KDM4B: variants seen among roughly 807,000 people sequenced by gnomAD.
KDM4B encodes lysine demethylase 4B.
KDM4B carries 32 observed loss-of-function variants against 125.2 expected under a neutral mutation model. That is an observed-to-expected ratio of 0.26 (90% CI 0.19 to 0.34). The LOEUF is 0.34. Among genes scored for constraint, KDM4B ranks in the 10% least tolerant of loss-of-function variants. The pLI, the probability that KDM4B is intolerant of heterozygous loss-of-function variation, is 1.00. For missense variants in KDM4B, 1,190 were observed against 1,577.7 expected, an observed-to-expected ratio of 0.75 and a Z score of 4.16; for synonymous variants, 721 against 677.9, an observed-to-expected ratio of 1.06 and a Z score of -0.99.
chr19:5,000,385 C>T (rs2035347241), intron 1 of KDM4B, among the ~76,000 whole-genome samples: 1 of 148,638 alleles, frequency 6.7e-6, no homozygotes. Context: ...ATTCACCTAT[C>T]CATCCATCTG....
At chr19:4,995,668 C>T (rs1459431742) in intron 1 of KDM4B, among the ~76,000 whole-genome samples, 1 of 152,218 alleles carries the variant, frequency 6.6e-6, no homozygotes. Context: ...GCATCCCTTT[C>T]CTGAGAGGCA....
intron 1 of KDM4B, among the ~76,000 whole-genome samples, chr19:5,010,454 G>T (rs1388966430): frequency 6.6e-6 from 1 of 152,172 alleles, no homozygotes; most frequent in Non-Finnish European, 1.5e-5. Flanking sequence ...GGGACTTTGA[G>T]CCTGTGAACA....
chr19:5,004,681 C>T lies in KDM4B; in HGVS notation c.-108-11576C>T, dbSNP rs191216828. ...CGGCTCTGTGCTCCCTGGGAGTCCC[C>T]GTACCCCCGTGCGGTGAGCGTGAGA... On this transcript the variant is annotated intron_variant, in intron 1 of 22. Coordinates refer to ENST00000159111, the MANE Select transcript of KDM4B (RefSeq NM_015015.3). Among the ~76,000 whole-genome samples, 9 of 152,248 alleles carry T rather than the reference C, an allele frequency of 5.9e-5. No homozygotes were observed. In the South Asian group the frequency reaches 1.2e-3, roughly 21 times the overall value.
chr19:5,079,564 G>T (rs1360295470), intron 8 of KDM4B, among the ~76,000 whole-genome samples: 1 of 152,132 alleles, frequency 6.6e-6, no homozygotes, highest in Admixed American at 6.5e-5. Context: ...CTGGATCCCT[G>T]AAGGCTCTGA....
At chr19:5,064,548 G>A (rs2037708945) in intron 6 of KDM4B, among the ~76,000 whole-genome samples, 1 of 152,172 alleles carries the variant, frequency 6.6e-6, no homozygotes, top group South Asian at 2.1e-4. Flanking sequence ...GTCAGGCTGG[G>A]CCGTGGGTTG....
At chr19:5,077,239 C>T in intron 7 of KDM4B, 128 bp from the exon 8 acceptor site, 5 of 761,330 alleles carry the variant, frequency 6.6e-6, no homozygotes, top group Non-Finnish European at 1.1e-5. Context: ...CAGATCTGGG[C>T]CGTGCTCTGT....
At chr19:5,065,825 G>T (rs140793958) in intron 6 of KDM4B, among the ~76,000 whole-genome samples, 73 of 152,348 alleles carry the variant, frequency 4.8e-4, no homozygotes, top group African/African-American at 1.4e-3. Flanking sequence ...TCGCCCACCC[G>T]TCGCCAGGAG....
At position 5,097,859 on chromosome 19, in the gene KDM4B, C is replaced by T. The variant is rs143246425; in HGVS notation, c.919-12763C>T. Among the ~76,000 whole-genome samples the T allele has an allele frequency of 6.0e-3, 912 of 152,340 alleles. 10 individuals carry two copies. The highest frequency in any genetic ancestry group is 0.021 in the African/African-American group (877 of 41,564). ...GAGGTGCCCAGCAAGGATGATTCCC[C>T]TCGGCCACCAGTGAGATGGGAACCC... On this transcript the variant is annotated intron_variant, in intron 9 of 22. Coordinates refer to ENST00000159111, the MANE Select transcript of KDM4B (RefSeq NM_015015.3).
intron 6 of KDM4B, among the ~76,000 whole-genome samples, chr19:5,068,038 C>T (rs932352370): frequency 2.6e-5 from 4 of 152,142 alleles, no homozygotes; most frequent in African/African-American, 9.7e-5. Context: ...CAGATGCTCC[C>T]CCTGCCTCGA....
intron 1 of KDM4B, among the ~76,000 whole-genome samples, chr19:5,006,859 G>A (rs1476100327): frequency 2.0e-5 from 3 of 152,142 alleles, no homozygotes; most frequent in South Asian, 2.1e-4. Flanking sequence ...GACTTGGGAC[G>A]GCCTCCATGT....
intron 1 of KDM4B, among the ~76,000 whole-genome samples, chr19:4,984,604 G>A (rs975292569): frequency 2.6e-5 from 4 of 152,084 alleles, no homozygotes; most frequent in African/African-American, 7.2e-5. Flanking sequence ...TTTCTGCTCC[G>A]GTGAACTTGG....
chr19:5,013,159 C>G (rs892464430), intron 1 of KDM4B, among the ~76,000 whole-genome samples: 1 of 152,340 alleles, frequency 6.6e-6, no homozygotes, highest in East Asian at 1.9e-4. Flanking sequence ...TGAGGTCTGT[C>G]CAGCTGAGAG....
In KDM4B at chr19:5,067,962, C is replaced by T. The variant is rs181075432; in HGVS notation, c.627-3048C>T. 3.8e-4 allele frequency among the ~76,000 whole-genome samples: 58 copies of T among 152,290 alleles called. No individual in the cohort carries two copies. In the East Asian group the frequency reaches 6.0e-3, roughly 16 times the overall value. On this transcript the variant is annotated intron_variant, in intron 6 of 22. Coordinates refer to ENST00000159111, the MANE Select transcript of KDM4B (RefSeq NM_015015.3). The stretch of plus-strand genomic sequence containing the variant: ...CAGGGAGTGAGACAAACTGCCTCCC[C>T]GTGTCAGTGGCCAATAAACCTGACT...
chr19:5,034,761 C>T (rs567017306), intron 3 of KDM4B, among the ~76,000 whole-genome samples: 17 of 152,184 alleles, frequency 1.1e-4, no homozygotes, highest in African/African-American at 4.1e-4. Flanking sequence ...ATTTCTTTGT[C>T]TCTGAGCTGT....
intron 1 of KDM4B, among the ~76,000 whole-genome samples, chr19:4,973,792 A>C (rs2034343820): frequency 1.3e-5 from 2 of 150,922 alleles, no homozygotes; most frequent in Admixed American, 1.3e-4. Context: ...TTTTGCTGTG[A>C]ACCTAAAACT....
intron 9 of KDM4B, among the ~76,000 whole-genome samples, chr19:5,098,753 C>A (rs2038875976): frequency 6.6e-6 from 1 of 152,088 alleles, no homozygotes; most frequent in Non-Finnish European, 1.5e-5. Flanking sequence ...AGAGCTCCCT[C>A]GCCCCCTCCA....
chr19:5,069,617 T>C (rs923854131), intron 6 of KDM4B, among the ~76,000 whole-genome samples: 2 of 149,852 alleles, frequency 1.3e-5, no homozygotes, highest in Non-Finnish European at 3.0e-5. Context: ...GTTTGTTTGT[T>C]TGTTTGTTTG....
rs752713678 is a variant in KDM4B at position 5,131,373 on chromosome 19, C to T, written c.1613C>T (p.Ala538Val). The T allele has an allele frequency of 1.9e-6, 3 of 1,611,902 alleles. No individual in the cohort carries two copies. Among genetic ancestry groups the T allele is most frequent in the Non-Finnish European group, 2.5e-6 (3 of 1,179,752 alleles). Reference protein sequence around the residue: ...MLYVVPRPGKAAFNQEHVSCQ... With the variant: ...MLYVVPRPGKVAFNQEHVSCQ... The stretch of plus-strand genomic sequence containing the variant: ...TACGTGGTGCCGCGGCCGGGCAAGG[C>T]AGCCTTCAACCAGGAGCACGTGTCC... The change falls in exon 12 of 23, where the codon GCA becomes GTA. Residue 538 changes from alanine (A) to valine (V), a missense_variant. Ala to Val is a moderately conservative substitution (Grantham distance 64, BLOSUM62 0). Transcript: ENST00000159111.
intron 6 of KDM4B, among the ~76,000 whole-genome samples, chr19:5,057,065 T>TGTGC (rs55806859): frequency 0.068 from 8,749 of 128,040 alleles, 322 homozygotes; most frequent in South Asian, 0.086. Context: ...TGTGTGTGTG[T>TGTGC]GCGCGCGCGC....
Sources: allele counts gnomAD v4.1 joint callset (sites outside exome capture counted in the v4.1 genomes callset), GRCh38; gene constraint gnomAD v4.1.1; transcripts MANE v1.5; gene names NCBI Gene and HGNC (gene_info 2026-07-23, HGNC 2026-07-21).